Variants in VAV2 observed in about 807,000 individuals in gnomAD.
VAV2 encodes vav guanine nucleotide exchange factor 2, also known as guanine nucleotide exchange factor VAV2.
Under a neutral mutation model 132.5 loss-of-function variants are expected in VAV2, and 67 were observed. The ratio of observed to expected loss-of-function variants is 0.51; its 90% confidence interval spans 0.42 to 0.62. The LOEUF (loss-of-function observed/expected upper bound fraction) is 0.62, where lower values mean the gene tolerates loss of function less well. Ranked by LOEUF, VAV2 falls within the 20% of genes least tolerant of loss-of-function variation. VAV2 has a pLI of 0.00. For missense variants in VAV2, 938 were observed against 1,153.6 expected, an observed-to-expected ratio of 0.81 and a Z score of 2.71; for synonymous variants, 492 against 443.5, an observed-to-expected ratio of 1.11 and a Z score of -1.37.
At chr9:133,893,802 G>GAGTCCAAC (rs919283832) in intron 2 of VAV2, among the ~76,000 whole-genome samples, 11 of 152,224 alleles carry the variant, frequency 7.2e-5, no homozygotes, top group African/African-American at 2.7e-4. Flanking sequence ...AGAGAAGCCA[G>GAGTCCAAC]AGTCCAACTA....
chr9:133,914,000 C>T (rs1470038867), intron 2 of VAV2, among the ~76,000 whole-genome samples: 7 of 152,324 alleles, frequency 4.6e-5, no homozygotes, highest in Non-Finnish European at 7.3e-5. Context: ...CTCCAAGAGC[C>T]GCTGGCTATG....
rs1195494519 is a variant in VAV2, at chr9:133,884,608, C to T, written c.322-23176G>A. The stretch of plus-strand genomic sequence containing the variant: ...CTTTATGGAACATCAGCAAGCTGAC[C>T]GCTTGGCACAGCTGCCTTTTTCTAT... On this transcript the variant is annotated intron_variant, in intron 2 of 29. Coordinates refer to ENST00000371850, the MANE Select transcript of VAV2 (RefSeq NM_001134398.2). This position sits in a 1 kb window ranked among gnomAD's most constrained non-coding sequence, Gnocchi z 5.3. 6.6e-6 allele frequency among the ~76,000 whole-genome samples: 1 copy of T among 152,042 alleles called. No homozygotes were observed. Among genetic ancestry groups the T allele is most frequent in the African/African-American group, 2.4e-5 (1 of 41,362 alleles).
At position 133,785,797 on chromosome 9, in the gene VAV2, A is replaced by C. The variant is rs774008253; in HGVS notation, c.1511T>G (p.Met504Arg). 6.2e-7 allele frequency: 1 copy of C among 1,613,948 alleles called. No individual in the cohort carries two copies. The highest frequency in any genetic ancestry group is 1.7e-5 in the Admixed American group (1 of 60,014). The change falls in exon 17 of 30, where the codon ATG becomes AGG. Residue 504 changes from methionine to arginine, a missense_variant. Met to Arg is a moderately conservative substitution (Grantham distance 91). Coordinates refer to ENST00000371850, the MANE Select transcript of VAV2 (RefSeq NM_001134398.2). ...CKTEDMKRKWMEQFEMAMSNI... is the reference protein window; with the variant it reads ...CKTEDMKRKWREQFEMAMSNI... ...TCACATGGCCATCTCAAACTGCTCC[A>C]TCCACTTCCTCTTCATATCTTCTGT... is the stretch of plus-strand genomic sequence containing the variant.
At position 133,804,299 on chromosome 9, in the gene VAV2, C is replaced by G. The variant is rs773998403; in HGVS notation, c.836+1782G>C. ...GACAGCCCCTTCCCCAAACAGACCC[C>G]GACTGACGGATCTCGCCACACGCCT... On this transcript the variant is annotated intron_variant, in intron 9 of 29. Transcript: ENST00000371850. The surrounding 1 kb of genome is among the most constrained non-coding windows in gnomAD (Gnocchi z 4.5). Among the ~76,000 whole-genome samples, 1 of 152,240 alleles carries G rather than the reference C, an allele frequency of 6.6e-6. No homozygotes were observed. The highest frequency in any genetic ancestry group is 1.5e-5 in the Non-Finnish European group (1 of 68,048).
rs71380266 is a variant in VAV2, at chr9:133,967,034, C to CAAA, written c.204+25038_204+25040dup. On this transcript the variant is annotated intron_variant, in intron 1 of 29. Transcript: ENST00000371850. ...TAGGTGACTGAGCAAGACTTTGTCT[C>CAAA]AAAAAAAAAAAAAAAAAGCAAATAG... Among the ~76,000 whole-genome samples, 961 of 106,074 alleles carry CAAA rather than the reference C, an allele frequency of 9.1e-3. 19 individuals are homozygous for CAAA. The highest frequency in any genetic ancestry group is 0.021 in the East Asian group (78 of 3,692). 69.6% of individuals were successfully genotyped at this position (106,074 alleles called of 152,430 possible).
In VAV2 at chr9:133,769,449, G is replaced by A. The variant is rs200411313; in HGVS notation, c.2402C>T (p.Ala801Val). 311 of 1,613,116 alleles carry A rather than the reference G, an allele frequency of 1.9e-4. 1 individual carries two copies. Among genetic ancestry groups the A allele is most frequent in the Non-Finnish European group, 2.6e-4 (306 of 1,179,590 alleles). The change falls in exon 28 of 30, where the codon GCT (alanine) becomes GTT (valine). Residue 801 changes from alanine (A) to valine (V), a missense_variant. Ala to Val is a moderately conservative substitution (Grantham distance 64). Transcript: ENST00000371850. This position sits in a 1 kb window ranked among gnomAD's most constrained non-coding sequence, Gnocchi z 8.1. ...GAAGGGAGCGGAGGGGCCCTGAGAA[G>A]CAAAGCTGAGGCCCTGAGGACTGAG... is the stretch of plus-strand genomic sequence containing the variant. Reference protein sequence around the residue: ...SFLSPQGLSFASQGPSAPFWS... With the variant: ...SFLSPQGLSFVSQGPSAPFWS...
chr9:133,820,329 C>CTTTTTT (rs1235525920), intron 4 of VAV2, among the ~76,000 whole-genome samples: 3 of 131,498 alleles, frequency 2.3e-5, no homozygotes, highest in Admixed American at 7.3e-5. Flanking sequence ...TTTTCTTTTT[C>CTTTTTT]TTTTTTTTTT....
At chr9:133,960,061 C>A (rs1564503358) in intron 1 of VAV2, among the ~76,000 whole-genome samples, 1 of 152,234 alleles carries the variant, frequency 6.6e-6, no homozygotes, top group Non-Finnish European at 1.5e-5. Flanking sequence ...AACCGCCAGG[C>A]CCTCGTCTCT....
At chr9:133,908,372 C>G (rs577910221) in intron 2 of VAV2, among the ~76,000 whole-genome samples, 1 of 152,056 alleles carries the variant, frequency 6.6e-6, no homozygotes, top group East Asian at 1.9e-4. Context: ...ACCCCCCATG[C>G]GAGGCCAGTG....
chr9:133,859,009 T>C (rs1445870458), intron 3 of VAV2, among the ~76,000 whole-genome samples: 2 of 151,954 alleles, frequency 1.3e-5, no homozygotes, highest in African/African-American at 4.8e-5. Flanking sequence ...CCGACTGCTC[T>C]GCCCATCCTG....
chr9:133,815,843 G>A (rs1835538768), intron 4 of VAV2, among the ~76,000 whole-genome samples: 1 of 152,116 alleles, frequency 6.6e-6, no homozygotes, highest in Admixed American at 6.5e-5. Context: ...TTTTCCTTTG[G>A]AAACAAAATT....
chr9:133,861,660 G>A (rs1588281652), intron 2 of VAV2, among the ~76,000 whole-genome samples: 2 of 152,128 alleles, frequency 1.3e-5, no homozygotes, highest in Admixed American at 6.5e-5. Context: ...CTGCACTCCC[G>A]GCTCCTGTGG....
intron 26 of VAV2, 137 bp from the exon 27 acceptor site, chr9:133,770,638 C>A: frequency 7.5e-7 from 1 of 1,338,572 alleles, no homozygotes; most frequent in African/African-American, 1.5e-5. Flanking sequence ...TCCCCACATC[C>A]CGCCAGCCCA....
At chr9:133,897,793 T>C (rs1839272226) in intron 2 of VAV2, among the ~76,000 whole-genome samples, 1 of 152,134 alleles carries the variant, frequency 6.6e-6, no homozygotes, top group Admixed American at 6.5e-5. Context: ...CTGTATTTAA[T>C]TAACGCTGGA....
At chr9:133,861,187 TG>T in intron 3 of VAV2, 186 bp downstream of exon 3, 1 of 562,476 alleles carries the variant, frequency 1.8e-6, no homozygotes, top group Non-Finnish European at 3.0e-6. Context: ...CGGTGTGAGC[TG>T]AAGCCTCCCG....
At chr9:133,786,877 G>T (rs912291630) in intron 16 of VAV2, among the ~76,000 whole-genome samples, 2 of 152,214 alleles carry the variant, frequency 1.3e-5, no homozygotes, top group African/African-American at 4.8e-5. Context: ...GTGGAGCGGG[G>T]ATGGGAGGAG....
intron 2 of VAV2, among the ~76,000 whole-genome samples, chr9:133,895,708 T>A (rs1300059103): frequency 6.6e-6 from 1 of 152,182 alleles, no homozygotes; most frequent in Non-Finnish European, 1.5e-5. Context: ...TGAAAGCGTT[T>A]TAAAATTAGT....
At chr9:133,793,812 G>A (rs1448681509) in intron 12 of VAV2, among the ~76,000 whole-genome samples, 2 of 152,164 alleles carry the variant, frequency 1.3e-5, no homozygotes, top group African/African-American at 2.4e-5. Context: ...CAAAGACGCT[G>A]CCGTACAAGG....
At chr9:133,842,285 G>A (rs1276008861) in intron 3 of VAV2, among the ~76,000 whole-genome samples, 1 of 152,224 alleles carries the variant, frequency 6.6e-6, no homozygotes, top group Non-Finnish European at 1.5e-5. Context: ...GGCCCCGCAC[G>A]GTGACTGCCA....
Sources: gnomAD v4.1 joint callset for allele counts (sites outside exome capture counted in the v4.1 genomes callset) on GRCh38, gnomAD v4.1.1 for gene constraint, Gnocchi (gnomAD v3.1) non-coding constraint, MANE v1.5 for transcripts, NCBI Gene and HGNC (gene_info 2026-07-23, HGNC 2026-07-21) for gene names.